The following GPR171 variants were observed in gnomAD, a reference collection of about 807,000 sequenced individuals.
The protein encoded by GPR171 is F730001G15Rik.
A neutral mutation model predicts 16.7 loss-of-function variants in GPR171; 14 were observed. The ratio of observed to expected loss-of-function variants is 0.84; its 90% CI spans 0.55 to 1.31. The LOEUF (loss-of-function observed/expected upper bound fraction) is 1.31. GPR171 is among the 40% of genes most tolerant of loss of function. The pLI is 0.00. For synonymous variants in GPR171, 134 were observed against 135.6 expected, an observed-to-expected ratio of 0.99 and a Z score of 0.08; for missense variants, 337 against 378.9, an observed-to-expected ratio of 0.89 and a Z score of 0.92.
rs1186054452 is a variant in GPR171 at position 151,199,209 on chromosome 3, C to T, written c.178G>A (p.Asp60Asn). ...SIYLINLLTA[D>N]FLLTLALPVK... ...GGTAATGCCAGAGTAAGCAGGAAAT[C>T]GGCTGTAAGCAAATTAATTAAGTAG... Residue 60 changes from aspartate to asparagine, a missense_variant, in exon 3 of 3, where the codon GAT (aspartate) becomes AAT (asparagine). Transcript: ENST00000309180. 1.1e-5 allele frequency: 17 copies of T among 1,613,874 alleles called. No homozygotes were observed. Among genetic ancestry groups the T allele is most frequent in the Non-Finnish European group, 1.3e-5 (15 of 1,179,910 alleles).
At chr3:151,197,818 C>G (rs892754982), downstream of GPR171, 2 of 152,474 alleles carry the variant, frequency 1.3e-5, no homozygotes, top group African/African-American at 4.8e-5. Context: ...ACAAATAATA[C>G]ATTAAAGATT....
chr3:151,201,754 T>C (rs1169203259), intron 1 of GPR171, among the ~76,000 whole-genome samples: 1 of 152,278 alleles, frequency 6.6e-6, no homozygotes, highest in Admixed American at 6.5e-5. Flanking sequence ...ATTTTGAACA[T>C]ACTTTTCTTC....
intron 1 of GPR171, among the ~76,000 whole-genome samples, chr3:151,202,641 G>T (rs574460192): frequency 1.3e-5 from 2 of 152,310 alleles, no homozygotes; most frequent in South Asian, 4.1e-4. Flanking sequence ...CTGCACTCCA[G>T]CCTGGGTGAA....
In GPR171 at chr3:151,198,700, G is replaced by A. The variant is rs1725050507; in HGVS notation, c.687C>T (p.Thr229=). The change falls in exon 3 of 3, where the codon ACC becomes ACT. Residue 229 remains threonine, a synonymous_variant. Transcript: ENST00000309180. ...KKALINILLV[T]TGYIICFVPY... is the part of the protein sequence containing the mutation. ...GAACAAAGCATATGATGTAGCCCGT[G>A]GTCACTAAAAGTATGTTGATGAGAG... is the stretch of plus-strand genomic sequence containing the variant. 8 of 1,613,644 alleles carry A rather than the reference G, an allele frequency of 5.0e-6. No homozygotes were observed. The highest frequency in any genetic ancestry group is 1.1e-5 in the South Asian group (1 of 91,074).
Position 151,199,200 on chromosome 3 carries a change from G to A in GPR171, c.187C>T (p.Leu63Phe). 1 of 1,614,062 alleles carries A rather than the reference G, an allele frequency of 6.2e-7. No homozygotes were observed. Among genetic ancestry groups the A allele is most frequent in the Non-Finnish European group, 8.5e-7 (1 of 1,179,912 alleles). Residue 63 changes from leucine to phenylalanine, a missense_variant, in exon 3 of 3, where the codon CTT becomes TTT. Transcript: ENST00000309180. ...LINLLTADFL[L>F]TLALPVKIVV... is the part of the protein sequence containing the mutation. ...ATTTTCACTGGTAATGCCAGAGTAA[G>A]CAGGAAATCGGCTGTAAGCAAATTA...
In GPR171 at chr3:151,198,349, T is replaced by G. The variant is rs1206275554; in HGVS notation, c.*78A>C. Reference sequence around the variant, plus strand: ...CATACTGAGTTTTTTTTTGTTTTTTTTTTTTTTATCTTTCAAAGCTATAAT... The same window carrying G: ...CATACTGAGTTTTTTTTTGTTTTTTGTTTTTTTATCTTTCAAAGCTATAAT... On this transcript the variant is annotated 3_prime_UTR_variant, in exon 3 of 3. Coordinates refer to ENST00000309180, the MANE Select transcript of GPR171 (RefSeq NM_013308.4). 3.4e-5 allele frequency: 37 copies of G among 1,097,340 alleles called. 1 individual carries two copies. The highest frequency in any genetic ancestry group is 3.7e-5 in the Non-Finnish European group (30 of 803,278). The allele number at this position is 1,097,340 out of a possible 1,614,324, so 68.0% of individuals were successfully genotyped here. A position where few individuals can be genotyped will look rare whatever the true frequency, so the allele number is the denominator to read the frequency against.
At position 151,199,228 on chromosome 3, in the gene GPR171, T is replaced by C. The variant is rs1211129709; in HGVS notation, c.159A>G (p.Leu53=). The C allele has an allele frequency of 6.2e-7, 1 of 1,613,974 alleles. No individual in the cohort carries two copies. The highest frequency in any genetic ancestry group is 8.5e-7 in the Non-Finnish European group (1 of 1,179,876). ...NTNHRCVSIY[L]INLLTADFLL... ...GGAAATCGGCTGTAAGCAAATTAAT[T>C]AAGTAGATGCTCACACACCTGTGAT... is the stretch of plus-strand genomic sequence containing the variant. The change falls in exon 3 of 3, where the codon TTA becomes TTG. Residue 53 remains leucine (L), a synonymous_variant. Coordinates refer to ENST00000309180, the MANE Select transcript of GPR171 (RefSeq NM_013308.4).
chr3:151,198,797 A>G lies in GPR171; in HGVS notation c.590T>C (p.Ile197Thr). Residue 197 changes from isoleucine (I) to threonine (T), a missense_variant, in exon 3 of 3, where the codon ATA becomes ACA. Ile to Thr is a moderately conservative substitution (Grantham distance 89). Coordinates refer to ENST00000309180, the MANE Select transcript of GPR171 (RefSeq NM_013308.4). The stretch of plus-strand genomic sequence containing the variant: ...CTGTCGAATTACAAGGCAATTGGAT[A>G]TTAAAATGATGGCTGAGAAATTTAA... ...IFLNFSAIILISNCLVIRQLY... is the reference protein window; with the variant it reads ...IFLNFSAIILTSNCLVIRQLY... The G allele has an allele frequency of 1.2e-6, 2 of 1,613,732 alleles. No homozygotes were observed. The highest frequency in any genetic ancestry group is 1.3e-5 in the African/African-American group (1 of 75,068).
At position 151,198,795 on chromosome 3, in the gene GPR171, A is replaced by T. The variant is rs1343531345; in HGVS notation, c.592T>A (p.Ser198Thr). 1 of 1,613,612 alleles carries T rather than the reference A, an allele frequency of 6.2e-7. No homozygotes were observed. The highest frequency in any genetic ancestry group is 1.3e-5 in the African/African-American group (1 of 74,944). ...FLNFSAIILI[S>T]NCLVIRQLYR... is the part of the protein sequence containing the mutation. ...AGCTGTCGAATTACAAGGCAATTGGATATTAAAATGATGGCTGAGAAATTT... is the reference window on the plus strand; with the variant it reads ...AGCTGTCGAATTACAAGGCAATTGGTTATTAAAATGATGGCTGAGAAATTT... The change falls in exon 3 of 3, where the codon TCC (serine) becomes ACC (threonine). Residue 198 changes from serine (S) to threonine (T), a missense_variant. Physicochemically the swap from Ser to Thr is moderately conservative, Grantham distance 58. Transcript: ENST00000309180.
intron 2 of GPR171, among the ~76,000 whole-genome samples, chr3:151,200,481 T>C (rs1436053558): frequency 2.6e-5 from 4 of 152,238 alleles, no homozygotes; most frequent in Non-Finnish European, 5.9e-5. Flanking sequence ...ATATAAGTTA[T>C]AGTGACCAAC....
At position 151,198,470 on chromosome 3, in the gene GPR171, G is replaced by A; in HGVS notation, c.917C>T (p.Thr306Ile). Residue 306 changes from threonine to isoleucine, a missense_variant, in exon 3 of 3, where the codon ACC becomes ATC. Coordinates refer to ENST00000309180, the MANE Select transcript of GPR171 (RefSeq NM_013308.4). ...VTETFASPKE[T>I]KAQKEKLRCE... is the part of the protein sequence containing the mutation. ...TCTTAATTTTTCTTTCTGAGCCTTG[G>A]TCTCTTTAGGTGAGGCAAAAGTCTC... The A allele has an allele frequency of 6.2e-7, 1 of 1,611,314 alleles. No homozygotes were observed. The highest frequency in any genetic ancestry group is 8.5e-7 in the Non-Finnish European group (1 of 1,178,458).
chr3:151,200,726 G>T (rs1264781936), intron 2 of GPR171, among the ~76,000 whole-genome samples, 183 bp downstream of exon 2: 1 of 152,226 alleles, frequency 6.6e-6, no homozygotes, highest in African/African-American at 2.4e-5. Context: ...GCACGTTAGA[G>T]TCCATGAATA....
rs956892282 is a variant in GPR171 at position 151,199,105 on chromosome 3, G to C, written c.282C>G (p.Ile94Met). ...TAATTGATAAATACATATTGATATA[G>C]ATGAGGCAGGCTGTTACTTGGCAGT... Reference protein sequence around the residue: ...IFHCQVTACLIYINMYLSIIF... With the variant: ...IFHCQVTACLMYINMYLSIIF... The change falls in exon 3 of 3, where the codon ATC becomes ATG. Residue 94 changes from isoleucine to methionine, a missense_variant. Transcript: ENST00000309180. 6.2e-7 allele frequency: 1 copy of C among 1,613,934 alleles called. No homozygotes were observed. The highest frequency in any genetic ancestry group is 8.5e-7 in the Non-Finnish European group (1 of 1,179,818).
At chr3:151,202,316 C>T (rs1725721052) in intron 1 of GPR171, among the ~76,000 whole-genome samples, 1 of 152,186 alleles carries the variant, frequency 6.6e-6, no homozygotes, top group Non-Finnish European at 1.5e-5. Context: ...AGTAGTGCAG[C>T]AACAACAATA....
chr3:151,202,931 A>C (rs1725836546), intron 1 of GPR171, among the ~76,000 whole-genome samples, 173 bp downstream of exon 1: 1 of 152,230 alleles, frequency 6.6e-6, no homozygotes, highest in African/African-American at 2.4e-5. Flanking sequence ...TTCATCAGAT[A>C]TAAGAAAATT....
chr3:151,201,229 T>A (rs1463046487), intron 1 of GPR171, among the ~76,000 whole-genome samples: 1 of 151,592 alleles, frequency 6.6e-6, no homozygotes, highest in African/African-American at 2.4e-5. Flanking sequence ...ACACACTCTC[T>A]CTCTCTCTCT....
chr3:151,198,335 TTTTTTTG>T lies in GPR171; in HGVS notation c.*85_*91del, dbSNP rs1724966548. The T allele has an allele frequency of 2.0e-6, 2 of 986,162 alleles. No homozygotes were observed. Among genetic ancestry groups the T allele is most frequent in the Non-Finnish European group, 2.8e-6 (2 of 718,300 alleles). The allele number at this position is 986,162 out of a possible 1,614,324, so 61.1% of individuals were successfully genotyped here. A position where few individuals can be genotyped will look rare whatever the true frequency, so the allele number is the denominator to read the frequency against. On this transcript the variant is annotated 3_prime_UTR_variant, in exon 3 of 3. Coordinates refer to ENST00000309180, the MANE Select transcript of GPR171 (RefSeq NM_013308.4). The stretch of plus-strand genomic sequence containing the variant: ...TAACTGTATTTTTTCATACTGAGTT[TTTTTTTG>T]TTTTTTTTTTTTTTATCTTTCAAAG...
chr3:151,198,814 G>C lies in GPR171; in HGVS notation c.573C>G (p.Phe191Leu). Residue 191 changes from phenylalanine (F) to leucine (L), a missense_variant, in exon 3 of 3, where the codon TTC (phenylalanine) becomes TTG (leucine). Phe to Leu is a conservative substitution (Grantham distance 22). Transcript: ENST00000309180. ...AATTGGATATTAAAATGATGGCTGA[G>C]AAATTTAAAAATATTGCTACACATA... The part of the protein sequence containing the change: ...NFICVAIFLN[F>L]SAIILISNCL... 1 of 1,613,532 alleles carries C rather than the reference G, an allele frequency of 6.2e-7. No homozygotes were observed. Among genetic ancestry groups the C allele is most frequent in the Non-Finnish European group, 8.5e-7 (1 of 1,179,458 alleles).
chr3:151,198,390 G>C lies in GPR171; in HGVS notation c.*37C>G. The C allele has an allele frequency of 7.1e-7, 1 of 1,414,844 alleles. No individual in the cohort carries two copies. Among genetic ancestry groups the C allele is most frequent in the Non-Finnish European group, 9.6e-7 (1 of 1,045,886 alleles). The allele number at this position is 1,414,844 out of a possible 1,614,324, so 87.6% of individuals were successfully genotyped here. A position where few individuals can be genotyped will look rare whatever the true frequency, so the allele number is the denominator to read the frequency against. ...AAGCTATAATTAACTTTATGGTCCA[G>C]TAAGGCCAGAATTGGTAGCACAAAA... is the stretch of plus-strand genomic sequence containing the variant. On this transcript the variant is annotated 3_prime_UTR_variant, in exon 3 of 3. Transcript: ENST00000309180.
Sources: allele counts gnomAD v4.1 joint callset (sites outside exome capture counted in the v4.1 genomes callset), GRCh38; gene constraint gnomAD v4.1.1; transcripts MANE v1.5; gene names NCBI Gene and HGNC (gene_info 2026-07-23, HGNC 2026-07-21).